Variants in GPHN observed in about 807,000 individuals in gnomAD.
GPHN encodes gephyrin.
Under a neutral mutation model 95.5 loss-of-function variants are expected in GPHN, and 17 were observed. The ratio of observed to expected loss-of-function variants is 0.18; its 90% CI spans 0.12 to 0.27. GPHN has a LOEUF of 0.27. Ranked by LOEUF, GPHN falls within the 10% of genes least tolerant of loss-of-function variation. The pLI, the probability that GPHN is intolerant of heterozygous loss-of-function variation, is 1.00. For synonymous variants in GPHN, 320 were observed against 322.5 expected (o/e 0.99, Z 0.08); for missense variants, 660 against 978.1 (o/e 0.67, Z 4.34).
the GPHN span, chr14:67,692,404 A>G: frequency 6.2e-7 from 1 of 1,610,532 alleles, no homozygotes; most frequent in South Asian, 1.1e-5. Flanking sequence ...TGACCTCAAG[A>G]CCCACAACAT....
chr14:66,918,721 A>G (rs1313746641), intron 6 of GPHN, among the ~76,000 whole-genome samples: 2 of 152,084 alleles, frequency 1.3e-5, no homozygotes, highest in Non-Finnish European at 2.9e-5. Flanking sequence ...CAACAAAGAC[A>G]TTCCTATTAG....
At chr14:67,271,860 C>G in the GPHN span, 1 of 152,152 alleles carries the variant, frequency 6.6e-6, no homozygotes, top group Non-Finnish European at 1.5e-5. Flanking sequence ...ATCACGAGGT[C>G]AGGAGTTTGA....
At chr14:67,613,762 C>T in the GPHN span, 1 of 208,792 alleles carries the variant, frequency 4.8e-6, no homozygotes, top group Non-Finnish European at 1.0e-5. Flanking sequence ...CAAAGATTGC[C>T]AAACAGAGGT....
chr14:67,401,511 C>G, the GPHN span, among the ~76,000 whole-genome samples: 1 of 151,848 alleles, frequency 6.6e-6, no homozygotes, highest in African/African-American at 2.4e-5. Context: ...GTCCCTGTCT[C>G]TAAAACAACA....
intron 3 of GPHN, among the ~76,000 whole-genome samples, chr14:66,805,777 CT>C (rs1349592346): frequency 1.3e-5 from 2 of 152,210 alleles, no homozygotes; most frequent in African/African-American, 4.8e-5. Flanking sequence ...AGCTCCACTC[CT>C]GTGGCTTTGC....
At chr14:67,205,931 C>G in the GPHN span, among the ~76,000 whole-genome samples, 1 of 152,202 alleles carries the variant, frequency 6.6e-6, no homozygotes, top group Non-Finnish European at 1.5e-5. Flanking sequence ...CATCTGTAAT[C>G]CCGGCACTTT....
At chr14:67,173,728 C>A (rs2082732593) in intron 21 of GPHN, among the ~76,000 whole-genome samples, 1 of 152,042 alleles carries the variant, frequency 6.6e-6, no homozygotes, top group East Asian at 1.9e-4. Flanking sequence ...AATCAATGAC[C>A]TGCTGGAAAA....
At chr14:67,411,246 G>A in the GPHN span, among the ~76,000 whole-genome samples, 1 of 152,112 alleles carries the variant, frequency 6.6e-6, no homozygotes, top group East Asian at 1.9e-4. Flanking sequence ...CAGGCACTGA[G>A]TTTTTGTTTG....
the GPHN span, among the ~76,000 whole-genome samples, chr14:67,329,660 C>T: frequency 6.6e-6 from 1 of 151,978 alleles, no homozygotes; most frequent in Admixed American, 6.6e-5. Context: ...GGACGCATCA[C>T]TTGAGGCCAG....
At chr14:67,040,942 G>A (rs1475195610) in intron 10 of GPHN, among the ~76,000 whole-genome samples, 1 of 152,028 alleles carries the variant, frequency 6.6e-6, no homozygotes, top group Non-Finnish European at 1.5e-5. Context: ...TATCTTGTAG[G>A]GATATACTTT....
At chr14:67,537,391 C>T in the GPHN span, among the ~76,000 whole-genome samples, 2 of 120,360 alleles carry the variant, frequency 1.7e-5, no homozygotes, top group Non-Finnish European at 3.8e-5. Flanking sequence ...AAAACTTAAT[C>T]TTAGGCTGGG....
intron 1 of GPHN, among the ~76,000 whole-genome samples, chr14:66,645,166 C>T (rs2064664696): frequency 6.6e-6 from 1 of 151,940 alleles, no homozygotes; most frequent in African/African-American, 2.4e-5. Flanking sequence ...TATTTAGGAA[C>T]TTCATAAAAA....
the GPHN span, among the ~76,000 whole-genome samples, chr14:67,261,447 T>C: frequency 8.5e-5 from 13 of 152,178 alleles, no homozygotes; most frequent in Non-Finnish European, 1.6e-4. Context: ...TTAGGGATAT[T>C]ACAGTTACGA....
the GPHN span, among the ~76,000 whole-genome samples, chr14:67,256,063 G>GT: frequency 2.5e-4 from 38 of 151,618 alleles, no homozygotes; most frequent in East Asian, 6.6e-3. Context: ...ATATCTTTGT[G>GT]TTTTTTCCTC....
chr14:67,691,529 T>C, the GPHN span: 1 of 286,100 alleles, frequency 3.5e-6, no homozygotes, highest in Non-Finnish European at 6.5e-6. Flanking sequence ...TGCATCCACC[T>C]CTCTCAATAA....
At chr14:67,370,426 G>GT in the GPHN span, among the ~76,000 whole-genome samples, 1 of 152,132 alleles carries the variant, frequency 6.6e-6, no homozygotes, top group Non-Finnish European at 1.5e-5. Context: ...TTAAAAACTT[G>GT]TTTTTTGTTT....
At chr14:67,730,316 T>C in the GPHN span, among the ~76,000 whole-genome samples, 1 of 152,220 alleles carries the variant, frequency 6.6e-6, no homozygotes, top group African/African-American at 2.4e-5. Context: ...TAGCCACATG[T>C]TGCTATTGAG....
the GPHN span, among the ~76,000 whole-genome samples, chr14:67,423,239 G>A: frequency 6.6e-6 from 1 of 152,126 alleles, no homozygotes; most frequent in Non-Finnish European, 1.5e-5. Flanking sequence ...GGTTGGGGGA[G>A]GGCATTTGTT....
intron 11 of GPHN, among the ~76,000 whole-genome samples, chr14:67,060,836 A>G (rs1031889358): frequency 6.6e-6 from 1 of 152,186 alleles, no homozygotes; most frequent in African/African-American, 2.4e-5. Context: ...CCATTTATAA[A>G]GTGAATTGTA....
Sources: gnomAD v4.1 joint callset for allele counts (sites outside exome capture counted in the v4.1 genomes callset) on GRCh38, gnomAD v4.1.1 for gene constraint, MANE v1.5 for transcripts, NCBI Gene and HGNC (gene_info 2026-07-23, HGNC 2026-07-21) for gene names.